The following PPP4C variants were observed in gnomAD, a reference collection of about 807,000 sequenced individuals.
The protein encoded by PPP4C is protein phosphatase 4 catalytic subunit.
PPP4C carries 10 observed loss-of-function variants against 40.5 expected under a neutral mutation model. The ratio of observed to expected loss-of-function variants is 0.25; its 90% CI spans 0.15 to 0.42. PPP4C has a LOEUF of 0.42. Among genes scored for constraint, PPP4C ranks in the 10% least tolerant of loss-of-function variants. The pLI is 1.00. For synonymous variants in PPP4C, 187 were observed against 163.6 expected (o/e 1.14, Z -1.09); for missense variants, 191 against 416.4 (o/e 0.46, Z 4.71).
At chr16:30,081,811 T>C in intron 3 of PPP4C, 1 of 158,214 alleles carries the variant, frequency 6.3e-6, no homozygotes, top group Non-Finnish European at 1.4e-5. Flanking sequence ...TCCCAGCACT[T>C]TGGGAGGCCG....
Position 30,083,160 on chromosome 16 carries a change from A to G in PPP4C, c.304-234A>G. The G allele has an allele frequency of 9.9e-6, 6 of 604,002 alleles. No homozygotes were observed. In the East Asian group the frequency reaches 1.1e-4, roughly 11 times the overall value. The allele number at this position is 604,002 out of a possible 1,614,324, so 37.4% of individuals were successfully genotyped here. ...GCTAGGGACCCGGTCTGTGTCTGGT[A>G]GGTGAAAGAAGAGCCATTAGGTTCA... On this transcript the variant is annotated intron_variant, in intron 5 of 8. Transcript: ENST00000279387. The surrounding 1 kb of genome is among the most constrained non-coding windows in gnomAD (Gnocchi z 6.3).
rs1224569344 is a variant in PPP4C, at chr16:30,077,478, G to T, written c.98+1003G>T. Among the ~76,000 whole-genome samples, 8 of 152,258 alleles carry T rather than the reference G, an allele frequency of 5.3e-5. No homozygotes were observed. The South Asian group carries it at 1.7e-3, about 32-fold the overall frequency. On this transcript the variant is annotated intron_variant, in intron 2 of 8. Transcript: ENST00000279387. ...TAATTTGGCTAGCTGATGGAGGCAG[G>T]GCCAGTGAGGGAAGGGCATTCCAAG...
chr16:30,083,869 C>G lies in PPP4C; in HGVS notation c.604+88C>G. 6.4e-7 allele frequency: 1 copy of G among 1,555,462 alleles called. No homozygotes were observed. Among genetic ancestry groups the G allele is most frequent in the Non-Finnish European group, 8.7e-7 (1 of 1,144,442 alleles). ...AGGGCTGGTCTTCACTGTCACTCGT[C>G]CTCCACCTGCCAAATGGCTGGAACC... On this transcript the variant is annotated intron_variant, in intron 7 of 8. Transcript: ENST00000279387. The surrounding 1 kb of genome is among the most constrained non-coding windows in gnomAD (Gnocchi z 6.3).
chr16:30,076,081 G>C lies in PPP4C; in HGVS notation c.-77G>C. 1 of 445,364 alleles carries C rather than the reference G, an allele frequency of 2.2e-6. No individual in the cohort carries two copies. The highest frequency in any genetic ancestry group is 4.0e-6 in the Non-Finnish European group (1 of 249,476). The allele number at this position is 445,364 out of a possible 1,614,324, so 27.6% of individuals were successfully genotyped here. The stretch of plus-strand genomic sequence containing the variant: ...GCAGGGAGCCGGAGAGCCGGAACCG[G>C]AGTCGCAGCGGCGGTAATAGTGCGA... On this transcript the variant is annotated 5_prime_UTR_variant, in exon 1 of 9. Transcript: ENST00000279387.
Position 30,076,395 on chromosome 16 carries a change from C to T in PPP4C, c.18C>T (p.Asp6=). 1.9e-6 allele frequency: 3 copies of T among 1,613,176 alleles called. No homozygotes were observed. The highest frequency in any genetic ancestry group is 2.5e-6 in the Non-Finnish European group (3 of 1,179,794). Residue 6 remains aspartate, a synonymous_variant, in exon 2 of 9, where the codon GAC becomes GAT. Transcript: ENST00000279387. ...GGTGGGCCATGGCGGAGATCAGCGA[C>T]CTGGACCGGCAGATCGAGCAGCTGC... MAEIS[D]LDRQIEQLRR...
At chr16:30,077,331 G>T (rs145313779) in intron 2 of PPP4C, among the ~76,000 whole-genome samples, 367 of 152,254 alleles carry the variant, frequency 2.4e-3, no homozygotes, top group Non-Finnish European at 3.8e-3. Flanking sequence ...CAGTGTTTTG[G>T]TACAGCATAC....
intron 4 of PPP4C, 87 bp downstream of exon 4, chr16:30,082,621 G>T (rs986629655): frequency 2.6e-6 from 4 of 1,555,998 alleles, no homozygotes; most frequent in Non-Finnish European, 2.7e-6. Context: ...AATTTGGGGC[G>T]TGGAGTGGGG....
At chr16:30,076,824 A>C (rs1245492252) in intron 2 of PPP4C, among the ~76,000 whole-genome samples, 1 of 152,230 alleles carries the variant, frequency 6.6e-6, no homozygotes, top group Non-Finnish European at 1.5e-5. Context: ...AGAGTCAGCC[A>C]AAAACCAAAA....
Position 30,084,722 on chromosome 16 carries a change from G to C in PPP4C, c.661G>C (p.Val221Leu). 6.2e-7 allele frequency: 1 copy of C among 1,614,262 alleles called. No homozygotes were observed. The highest frequency in any genetic ancestry group is 8.5e-7 in the Non-Finnish European group (1 of 1,180,046). ...RGAGYLFGSD[V>L]VAQFNAANDI... ...AGCCGGCTACCTATTTGGCAGTGAC[G>C]TGGTGGCCCAGTTCAACGCAGCCAA... Residue 221 changes from valine (V) to leucine (L), a missense_variant, in exon 8 of 9, where the codon GTG becomes CTG. Coordinates refer to ENST00000279387, the MANE Select transcript of PPP4C (RefSeq NM_002720.3).
Position 30,084,596 on chromosome 16 carries a change from C to T in PPP4C, c.605-70C>T. On this transcript the variant is annotated intron_variant, in intron 7 of 8. Transcript: ENST00000279387. ...TTGGGGAGGGGCCAGGCTGCTCACC[C>T]TCAAGGGGCAGCGCTGGCAGCCAGA... The T allele has an allele frequency of 1.4e-6, 2 of 1,479,670 alleles. 1 individual carries two copies. The highest frequency in any genetic ancestry group is 2.4e-5 in the South Asian group (2 of 82,904). 91.7% of individuals were successfully genotyped at this position (1,479,670 alleles called of 1,614,324 possible). A position where few individuals can be genotyped will look rare whatever the true frequency, so the allele number is the denominator to read the frequency against.
At position 30,083,606 on chromosome 16, in the gene PPP4C, G is replaced by T. The variant is rs778419359; in HGVS notation, c.477+39G>T. On this transcript the variant is annotated intron_variant, in intron 6 of 8. Coordinates refer to ENST00000279387, the MANE Select transcript of PPP4C (RefSeq NM_002720.3). The surrounding 1 kb of genome is among the most constrained non-coding windows in gnomAD (Gnocchi z 6.3). ...GGGCTCCATGGGACAGGGAGAGGAG[G>T]GGGGCTTCAGGCCTCAGCCCCGTCC... The T allele has an allele frequency of 6.2e-7, 1 of 1,613,754 alleles. No homozygotes were observed. Among genetic ancestry groups the T allele is most frequent in the Non-Finnish European group, 8.5e-7 (1 of 1,179,750 alleles).
intron 4 of PPP4C, 94 bp downstream of exon 4, chr16:30,082,628 G>C (rs912475959): frequency 9.1e-6 from 14 of 1,541,250 alleles, no homozygotes; most frequent in Non-Finnish European, 1.2e-5. Context: ...GGCGTGGAGT[G>C]GGGGCAAGGG....
In PPP4C at chr16:30,077,269, A is replaced by T. The variant is rs182789379; in HGVS notation, c.98+794A>T. ...TTGTAAAGCAGAATTAATAGTACTT[A>T]ATAAGATGATTGTGAAGATTCAGTG... On this transcript the variant is annotated intron_variant, in intron 2 of 8. Transcript: ENST00000279387. Among the ~76,000 whole-genome samples, 368 of 152,328 alleles carry T rather than the reference A, an allele frequency of 2.4e-3. 9 individuals carry two copies. The highest frequency in any genetic ancestry group is 0.021 in the Admixed American group (319 of 15,294).
Position 30,084,739 on chromosome 16 carries a change from C to T in PPP4C, c.678C>T (p.Asn226=), listed in dbSNP as rs149568155. 5.3e-5 allele frequency: 85 copies of T among 1,614,240 alleles called. No homozygotes were observed. Among genetic ancestry groups the T allele is most frequent in the Middle Eastern group, 1.6e-4 (1 of 6,062 alleles). Reference sequence around the variant, plus strand: ...GCAGTGACGTGGTGGCCCAGTTCAACGCAGCCAATGACATTGACATGATCT... The same window carrying T: ...GCAGTGACGTGGTGGCCCAGTTCAATGCAGCCAATGACATTGACATGATCT... ...LFGSDVVAQF[N]AANDIDMICR... The change falls in exon 8 of 9, where the codon AAC becomes AAT. Residue 226 remains asparagine (N), a synonymous_variant. Transcript: ENST00000279387.
At position 30,084,855 on chromosome 16, in the gene PPP4C, G is replaced by A. The variant is rs1243129196; in HGVS notation, c.794G>A (p.Arg265His). The change falls in exon 8 of 9, where the codon CGC becomes CAC. Residue 265 changes from arginine (R) to histidine (H), a missense_variant and splice_region_variant. By Grantham distance (29) the Arg-to-His change is conservative. Transcript: ENST00000279387. The part of the protein sequence containing the change: ...TVWSAPNYCY[R>H]CGNVAAILEL... ...TGGTCGGCACCCAACTACTGCTACC[G>A]GTGAGCCGGCTGGGCCGGGCTGGGA... is the stretch of plus-strand genomic sequence containing the variant. The A allele has an allele frequency of 6.2e-7, 1 of 1,614,000 alleles. No individual in the cohort carries two copies. Among genetic ancestry groups the A allele is most frequent in the Non-Finnish European group, 8.5e-7 (1 of 1,179,934 alleles).
intron 2 of PPP4C, among the ~76,000 whole-genome samples, chr16:30,080,344 C>CAAA (rs766436567): frequency 2.2e-5 from 1 of 45,334 alleles, no homozygotes; most frequent in Non-Finnish European, 4.5e-5. Flanking sequence ...GACTCTGTCT[C>CAAA]AAAAAAAAAA....
rs71373222 is a variant in PPP4C, at chr16:30,080,506, CTT to C, written c.99-736_99-735del. Among the ~76,000 whole-genome samples the C allele has an allele frequency of 1.7e-3, 210 of 123,952 alleles. 4 individuals are homozygous for C. Among genetic ancestry groups the C allele is most frequent in the East Asian group, 0.01 (44 of 4,320 alleles). The allele number at this position is 123,952 out of a possible 152,430, so 81.3% of individuals were successfully genotyped here. On this transcript the variant is annotated intron_variant, in intron 2 of 8. Transcript: ENST00000279387. ...CTGAACACATGGCAAGAGCACCTCA[CTT>C]TTTTTTTTTTTTTTTTGAGATGAAG...
chr16:30,083,616 G>C lies in PPP4C; in HGVS notation c.478-39G>C. The C allele has an allele frequency of 3.1e-6, 5 of 1,613,886 alleles. No homozygotes were observed. The highest frequency in any genetic ancestry group is 4.2e-6 in the Non-Finnish European group (5 of 1,179,834). On this transcript the variant is annotated intron_variant, in intron 6 of 8. Transcript: ENST00000279387. This position sits in a 1 kb window ranked among gnomAD's most constrained non-coding sequence, Gnocchi z 6.3. ...GGACAGGGAGAGGAGGGGGGCTTCA[G>C]GCCTCAGCCCCGTCCTCTTTCCCTG...
intron 7 of PPP4C, among the ~76,000 whole-genome samples, chr16:30,084,291 A>G (rs1378093235): frequency 6.6e-6 from 1 of 152,044 alleles, no homozygotes; most frequent in African/African-American, 2.4e-5. Flanking sequence ...ACATACAGAC[A>G]CACACATGCA....
Sources: allele counts gnomAD v4.1 joint callset (sites outside exome capture counted in the v4.1 genomes callset), GRCh38; gene constraint gnomAD v4.1.1; non-coding constraint Gnocchi (gnomAD v3.1); transcripts MANE v1.5; gene names NCBI Gene and HGNC (gene_info 2026-07-23, HGNC 2026-07-21).